Variants in SYNE2 observed in about 807,000 individuals in gnomAD.
SYNE2 encodes the protein nesprin-2.
SYNE2 carries 431 observed loss-of-function variants against 856.3 expected under a neutral mutation model. The observed-to-expected ratio is 0.50, with a 90% confidence interval of 0.47 to 0.55. The LOEUF is 0.55. Among genes scored for constraint, SYNE2 ranks in the 20% least tolerant of loss-of-function variants. The pLI is 0.00. For synonymous variants in SYNE2, 2,923 were observed against 2,872.3 expected (o/e 1.02, Z -0.56); for missense variants, 8,129 against 8,023.2 (o/e 1.01, Z -0.50).
At chr14:63,869,663 C>T (rs928671147) in intron 1 of SYNE2, among the ~76,000 whole-genome samples, 14 of 136,602 alleles carry the variant, frequency 1.0e-4, no homozygotes, top group African/African-American at 3.8e-4. Flanking sequence ...AAAAAAACTG[C>T]TCCCAATAAA....
chr14:63,877,142 TTA>T (rs1438995826), intron 1 of SYNE2, among the ~76,000 whole-genome samples: 1 of 152,120 alleles, frequency 6.6e-6, no homozygotes, highest in Non-Finnish European at 1.5e-5. Flanking sequence ...CGTTAATAAA[TTA>T]TGTTTGGGTT....
chr14:64,002,146 T>A, intron 29 of SYNE2, 65 bp downstream of exon 29: 1 of 1,290,602 alleles, frequency 7.7e-7, no homozygotes, highest in Non-Finnish European at 1.1e-6. Flanking sequence ...TTATAAATCC[T>A]TATGGATTTT....
At chr14:63,810,248 GAA>G (rs1216013920) in intron 1 of SYNE2, among the ~76,000 whole-genome samples, 7 of 151,440 alleles carry the variant, frequency 4.6e-5, no homozygotes, top group African/African-American at 1.7e-4. Flanking sequence ...GAGAGAGAGA[GAA>G]AGAAAAAAGA....
chr14:63,850,715 T>A (rs1890381825), upstream of SYNE2, among the ~76,000 whole-genome samples: 1 of 152,128 alleles, frequency 6.6e-6, no homozygotes, highest in Non-Finnish European at 1.5e-5. Context: ...AGGGTCTAAT[T>A]AGAGACACCT....
chr14:63,840,792 C>T (rs1008522767), intron 1 of SYNE2, among the ~76,000 whole-genome samples: 6 of 152,096 alleles, frequency 3.9e-5, no homozygotes, highest in African/African-American at 1.4e-4. Context: ...GCAGGCGGAT[C>T]CCCTGAGGTC....
chr14:64,029,976 G>A lies in SYNE2; in HGVS notation c.6796G>A (p.Asp2266Asn), dbSNP rs2097019134. The A allele has an allele frequency of 6.2e-7, 1 of 1,613,960 alleles. No homozygotes were observed. Among genetic ancestry groups the A allele is most frequent in the African/African-American group, 1.3e-5 (1 of 74,904 alleles). The change falls in exon 44 of 116, where the codon GAC becomes AAC. Residue 2266 changes from aspartate (D) to asparagine (N), a missense_variant. Physicochemically the swap from Asp to Asn is conservative, Grantham distance 23. This residue lies in a region of SYNE2 where 297 missense variants were observed against 380.9 expected (regional missense o/e 0.78). Transcript: ENST00000555002. ...CGTCACAGACCTGAATACTACATTGGACAATTTCTCCAAGGAATTTGTCAG... is the reference window on the plus strand; with the variant it reads ...CGTCACAGACCTGAATACTACATTGAACAATTTCTCCAAGGAATTTGTCAG... Reference protein sequence around the residue: ...VCVTDLNTTLDNFSKEFVSFS... With the variant: ...VCVTDLNTTLNNFSKEFVSFS...
chr14:64,190,811 G>A (rs1019327545), intron 99 of SYNE2: 11 of 673,076 alleles, frequency 1.6e-5, no homozygotes, highest in South Asian at 3.2e-5. Context: ...AAGCTATATT[G>A]GCCAGTGCAA....
chr14:63,850,616 C>T (rs1890378339), upstream of SYNE2, among the ~76,000 whole-genome samples: 1 of 152,120 alleles, frequency 6.6e-6, no homozygotes, highest in Non-Finnish European at 1.5e-5. Context: ...TTTCATTGCA[C>T]TTGTCATTAG....
In SYNE2 at chr14:64,002,730, A is replaced by T. The variant is rs752582359; in HGVS notation, c.3797A>T (p.Asp1266Val). Residue 1266 changes from aspartate to valine, a missense_variant, in exon 30 of 116, where the codon GAT (aspartate) becomes GTT (valine). Physicochemically the swap from Asp to Val is radical, Grantham distance 152. Coordinates refer to ENST00000555002, the MANE Select transcript of SYNE2 (RefSeq NM_182914.3). ...TTATCTTTATTTTAGAATATCCAAG[A>T]TTCCATAGCAAAACAGATTGAAATA... ...RIYQHLRNIQ[D>V]SIAKQIEICN... The T allele has an allele frequency of 1.6e-5, 26 of 1,612,072 alleles. No homozygotes were observed. Among genetic ancestry groups the T allele is most frequent in the Non-Finnish European group, 2.1e-5 (25 of 1,179,822 alleles).
intron 95 of SYNE2, among the ~76,000 whole-genome samples, chr14:64,176,552 G>A (rs77681113): frequency 0.038 from 5,717 of 152,168 alleles, 331 homozygotes; most frequent in African/African-American, 0.13. Context: ...CCAGGCTGTA[G>A]AAAGGAGAAG....
intron 1 of SYNE2, among the ~76,000 whole-genome samples, chr14:63,858,262 C>CTTTTTTTTTTTTTTTTT (rs61091259): frequency 1.9e-5 from 1 of 52,896 alleles, no homozygotes; most frequent in Non-Finnish European, 3.2e-5. Flanking sequence ...CCACACCGGC[C>CTTTTTTTTTTTTTTTTT]TTTTTTTTTT....
intron 1 of SYNE2, among the ~76,000 whole-genome samples, chr14:63,887,715 G>A (rs2095029705): frequency 6.6e-6 from 1 of 150,720 alleles, no homozygotes; most frequent in South Asian, 2.1e-4. Flanking sequence ...GAGATGATTG[G>A]ACTTGGTGCT....
intron 2 of SYNE2, among the ~76,000 whole-genome samples, chr14:63,930,550 T>TA (rs1212142195): frequency 2.0e-5 from 3 of 150,236 alleles, no homozygotes; most frequent in African/African-American, 4.9e-5. Flanking sequence ...TTTTTTTTTT[T>TA]AAAGACAGAG....
At chr14:63,842,412 A>G (rs1273082265) in intron 1 of SYNE2, among the ~76,000 whole-genome samples, 3 of 151,426 alleles carry the variant, frequency 2.0e-5, no homozygotes, top group Admixed American at 2.0e-4. Flanking sequence ...TCAGCCTCCC[A>G]AAGTGCTGGG....
intron 79 of SYNE2, among the ~76,000 whole-genome samples, chr14:64,138,936 G>GTGTGTGTGTGTGTGTA (rs1162982978): frequency 2.9e-4 from 41 of 142,882 alleles, no homozygotes; most frequent in African/African-American, 1.2e-3. Flanking sequence ...GTGTGTGTGT[G>GTGTGTGTGTGTGTGTA]TGTATGTATG....
chr14:64,055,835 TA>T, intron 48 of SYNE2, 108 bp from the exon 49 acceptor site: 2 of 760,734 alleles, frequency 2.6e-6, no homozygotes, highest in Non-Finnish European at 4.2e-6. Flanking sequence ...ATAATAATAA[TA>T]AAAAAAGACT....
At position 64,053,638 on chromosome 14, in the gene SYNE2, C is replaced by G. The variant is rs763445605; in HGVS notation, c.9725C>G (p.Thr3242Arg). The change falls in exon 48 of 116, where the codon ACA becomes AGA. Residue 3242 changes from threonine to arginine, a missense_variant. Physicochemically the swap from Thr to Arg is moderately conservative, Grantham distance 71. Coordinates refer to ENST00000555002, the MANE Select transcript of SYNE2 (RefSeq NM_182914.3). ...GAAGATCTTCAGATGCAGCTTAACA[C>G]AAGCATTGATTTGCGCACAGTAAGT... ...EFEDLQMQLN[T>R]SIDLRTNVLN... is the part of the protein sequence containing the mutation. 10 of 1,613,460 alleles carry G rather than the reference C, an allele frequency of 6.2e-6. No individual in the cohort carries two copies. In the South Asian group the frequency reaches 1.1e-4, roughly 18 times the overall value.
Position 64,122,365 on chromosome 14 carries a change from T to C in SYNE2, c.13360T>C (p.Tyr4454His). The change falls in exon 70 of 116, where the codon TAT becomes CAT. Residue 4454 changes from tyrosine to histidine, a missense_variant. This residue lies in a region of SYNE2 where 5,410 missense variants were observed against 5,284.8 expected (regional missense o/e 1.02). Transcript: ENST00000555002. ...GGGCCAAAATGGAGATAAGTGGCAA[T>C]ATCTGCATCATGAACTCTCATCAAA... ...PQGQNGDKWQ[Y>H]LHHELSSKIK... 5.6e-6 allele frequency: 9 copies of C among 1,614,170 alleles called. No individual in the cohort carries two copies. The highest frequency in any genetic ancestry group is 6.8e-6 in the Non-Finnish European group (8 of 1,180,022).
At chr14:64,115,157 T>C (rs2097844500) in intron 66 of SYNE2, among the ~76,000 whole-genome samples, 1 of 152,212 alleles carries the variant, frequency 6.6e-6, no homozygotes, top group East Asian at 1.9e-4. Flanking sequence ...AACTCGTTGA[T>C]TATCACCAGA....
Sources: allele counts gnomAD v4.1 joint callset (sites outside exome capture counted in the v4.1 genomes callset), GRCh38; gene constraint gnomAD v4.1.1; regional missense constraint gnomAD v4.1.1; transcripts MANE v1.5; gene names NCBI Gene and HGNC (gene_info 2026-07-23, HGNC 2026-07-21).